NFIC: variants seen among roughly 807,000 people sequenced by gnomAD.
NFIC encodes the protein nuclear factor I C.
NFIC carries 12 observed loss-of-function variants against 54.4 expected under a neutral mutation model. The ratio of observed to expected loss-of-function variants is 0.22; its 90% confidence interval spans 0.14 to 0.36. The LOEUF (loss-of-function observed/expected upper bound fraction) is 0.36. Ranked by LOEUF, NFIC falls within the 10% of genes least tolerant of loss-of-function variation. NFIC has a pLI of 1.00. For synonymous variants in NFIC, 322 were observed against 319.2 expected, an observed-to-expected ratio of 1.01 and a Z score of -0.09; for missense variants, 575 against 718.2, an observed-to-expected ratio of 0.80 and a Z score of 2.28.
chr19:3,416,119 C>T (rs1002722170), intron 2 of NFIC, among the ~76,000 whole-genome samples: 1 of 150,448 alleles, frequency 6.6e-6, no homozygotes, highest in Admixed American at 6.7e-5. Flanking sequence ...GCTATGATGA[C>T]ACCACTGTCC....
intron 2 of NFIC, among the ~76,000 whole-genome samples, chr19:3,382,784 A>G (rs943767730): frequency 1.3e-5 from 2 of 149,006 alleles, no homozygotes; most frequent in African/African-American, 2.5e-5. Flanking sequence ...AGGCAGGCCT[A>G]GGAGAGCGTC....
chr19:3,450,491 A>G (rs2082444958), intron 7 of NFIC, among the ~76,000 whole-genome samples: 2 of 151,930 alleles, frequency 1.3e-5, no homozygotes, highest in South Asian at 4.2e-4. Context: ...TCTCGTTTCT[A>G]CTAAAATACA....
chr19:3,456,053 G>A (rs967289108), intron 9 of NFIC, among the ~76,000 whole-genome samples: 4 of 152,136 alleles, frequency 2.6e-5, no homozygotes, highest in Admixed American at 6.5e-5. Flanking sequence ...TTACTCACAC[G>A]CCGACAAAAT....
intron 3 of NFIC, among the ~76,000 whole-genome samples, chr19:3,427,367 C>T (rs775248999): frequency 8.5e-5 from 13 of 152,194 alleles, no homozygotes; most frequent in Non-Finnish European, 1.9e-4. Flanking sequence ...AGGGCAGAGG[C>T]TTTGTCTGTC....
At chr19:3,446,140 C>G (rs771597165) in intron 6 of NFIC, among the ~76,000 whole-genome samples, 1 of 152,214 alleles carries the variant, frequency 6.6e-6, no homozygotes, top group African/African-American at 2.4e-5. Flanking sequence ...CCAGAAGAAG[C>G]TCCTGACAGG....
intron 2 of NFIC, among the ~76,000 whole-genome samples, chr19:3,421,451 T>C (rs2081952173): frequency 6.6e-6 from 1 of 152,230 alleles, no homozygotes; most frequent in Non-Finnish European, 1.5e-5. Context: ...GAGGGGCCGC[T>C]GGCAGCCCCA....
chr19:3,427,989 G>A (rs1002635192), intron 3 of NFIC, among the ~76,000 whole-genome samples: 2 of 151,514 alleles, frequency 1.3e-5, no homozygotes, highest in African/African-American at 4.8e-5. Context: ...GATCAACATG[G>A]AGAAACCCTG....
intron 6 of NFIC, among the ~76,000 whole-genome samples, chr19:3,443,480 C>A (rs1156382608): frequency 6.6e-6 from 1 of 151,972 alleles, no homozygotes; most frequent in Non-Finnish European, 1.5e-5. Context: ...GAATAAACTC[C>A]TAGTGTGGCA....
At chr19:3,371,074 C>T (rs1211978990) in intron 1 of NFIC, among the ~76,000 whole-genome samples, 1 of 152,216 alleles carries the variant, frequency 6.6e-6, no homozygotes, top group African/African-American at 2.4e-5. Context: ...TCACATCTGC[C>T]TGAAAATCTT....
intron 2 of NFIC, among the ~76,000 whole-genome samples, chr19:3,421,049 C>T (rs1164670934): frequency 3.9e-5 from 6 of 152,182 alleles, no homozygotes; most frequent in Non-Finnish European, 8.8e-5. Context: ...CCATCTTGTC[C>T]CTCATAAACA....
intron 2 of NFIC, among the ~76,000 whole-genome samples, chr19:3,408,970 G>A (rs1236539380): frequency 1.3e-5 from 2 of 152,078 alleles, no homozygotes; most frequent in Non-Finnish European, 2.9e-5. Flanking sequence ...TGCCTCAAGT[G>A]ATCCTCCCAC....
chr19:3,366,804 GA>G, intron 1 of NFIC, 138 bp downstream of exon 1: 1 of 552,684 alleles, frequency 1.8e-6, no homozygotes, highest in South Asian at 3.0e-5. Flanking sequence ...CCCCCGCGCC[GA>G]GGGCTGGGGT....
chr19:3,363,272 T>TTC (rs1568392061), upstream of NFIC, among the ~76,000 whole-genome samples: 1 of 54,802 alleles, frequency 1.8e-5, no homozygotes, highest in African/African-American at 6.5e-5. Flanking sequence ...TATATATATT[T>TTC]TTTTTTTTTT....
At chr19:3,395,580 T>A (rs1261152504) in intron 2 of NFIC, among the ~76,000 whole-genome samples, 2 of 150,408 alleles carry the variant, frequency 1.3e-5, no homozygotes, top group African/African-American at 2.4e-5. Context: ...CACTGCAGCC[T>A]CAATCTCTCA....
chr19:3,454,625 G>A (rs1326292782), intron 9 of NFIC, among the ~76,000 whole-genome samples: 2 of 135,800 alleles, frequency 1.5e-5, no homozygotes, highest in African/African-American at 5.6e-5. Context: ...CTCTCCCCAC[G>A]ACCCCCATGC....
chr19:3,464,684 A>C lies in NFIC; in HGVS notation c.*1915A>C. 1 of 983,792 alleles carries C rather than the reference A, an allele frequency of 1.0e-6. No homozygotes were observed. The highest frequency in any genetic ancestry group is 1.8e-5 in the African/African-American group (1 of 56,644). 60.9% of individuals were successfully genotyped at this position (983,792 alleles called of 1,614,324 possible). A position where few individuals can be genotyped will look rare whatever the true frequency, so the allele number is the denominator to read the frequency against. On this transcript the variant is annotated 3_prime_UTR_variant, in exon 11 of 11. Transcript: ENST00000443272. ...CCCCGAAAACCAGACTCTCCTCCCA[A>C]ACTAGCCTCAGGAGCTTGGCGAACC... is the stretch of plus-strand genomic sequence containing the variant.
chr19:3,398,745 C>T (rs969710720), intron 2 of NFIC, among the ~76,000 whole-genome samples: 11 of 152,134 alleles, frequency 7.2e-5, no homozygotes, highest in African/African-American at 2.2e-4. Flanking sequence ...GCCTGTGCCT[C>T]GCTGCCTTAT....
chr19:3,455,936 C>T (rs1213661472), intron 9 of NFIC, among the ~76,000 whole-genome samples: 1 of 152,206 alleles, frequency 6.6e-6, no homozygotes, highest in Non-Finnish European at 1.5e-5. Flanking sequence ...TCCCCCCAAC[C>T]CCAGCCAGGA....
Position 3,370,884 on chromosome 19 carries a change from C to T in NFIC, c.30+4218C>T, listed in dbSNP as rs1351987690. On this transcript the variant is annotated intron_variant, in intron 1 of 10. Transcript: ENST00000443272. This position sits in a 1 kb window ranked among gnomAD's most constrained non-coding sequence, Gnocchi z 5.2. The stretch of plus-strand genomic sequence containing the variant: ...TGTCCACGCCGACCTCACCTGGGTG[C>T]CCATCTGCCCTGAGCACACAGCGTG... 2.0e-5 allele frequency among the ~76,000 whole-genome samples: 3 copies of T among 152,224 alleles called. No individual in the cohort carries two copies. The highest frequency in any genetic ancestry group is 2.0e-4 in the Admixed American group (3 of 15,282).
Sources: gnomAD v4.1 joint callset for allele counts (sites outside exome capture counted in the v4.1 genomes callset) on GRCh38, gnomAD v4.1.1 for gene constraint, Gnocchi (gnomAD v3.1) non-coding constraint, MANE v1.5 for transcripts, NCBI Gene and HGNC (gene_info 2026-07-23, HGNC 2026-07-21) for gene names.